NR6A1: variants seen among roughly 807,000 people sequenced by gnomAD.
NR6A1 encodes the protein nuclear receptor subfamily 6 group A member 1.
A neutral mutation model predicts 59.1 loss-of-function variants in NR6A1; 7 were observed. The observed-to-expected ratio is 0.12, with a 90% CI of 0.07 to 0.22. The LOEUF (loss-of-function observed/expected upper bound fraction) is 0.22. Among genes scored for constraint, NR6A1 ranks in the 10% least tolerant of loss-of-function variants. The pLI is 1.00. For synonymous variants in NR6A1, 243 were observed against 236.1 expected (o/e 1.03, Z -0.27); for missense variants, 468 against 611.6 (o/e 0.77, Z 2.48).
At chr9:124,616,812 T>G (rs536691420) in intron 2 of NR6A1, among the ~76,000 whole-genome samples, 5 of 152,132 alleles carry the variant, frequency 3.3e-5, no homozygotes, top group Admixed American at 3.3e-4. Context: ...TCTCATCAGA[T>G]TGGCAAAAAA....
chr9:124,712,467 G>A (rs1839305988), intron 2 of NR6A1, among the ~76,000 whole-genome samples: 1 of 152,010 alleles, frequency 6.6e-6, no homozygotes, highest in South Asian at 2.1e-4. Flanking sequence ...AAATTAGCCA[G>A]GTAGGTGACA....
At chr9:124,632,138 T>A (rs2130883221) in intron 2 of NR6A1, among the ~76,000 whole-genome samples, 1 of 152,354 alleles carries the variant, frequency 6.6e-6, no homozygotes, top group East Asian at 1.9e-4. Context: ...TACATGTGCA[T>A]GTGTCTTTAT....
At chr9:124,749,315 A>G (rs1345422415) in intron 1 of NR6A1, among the ~76,000 whole-genome samples, 1 of 152,124 alleles carries the variant, frequency 6.6e-6, no homozygotes, top group Non-Finnish European at 1.5e-5. Flanking sequence ...CCTCCAAAAC[A>G]CAAATATAAA....
intron 1 of NR6A1, among the ~76,000 whole-genome samples, chr9:124,753,544 A>G (rs1008983742): frequency 3.9e-5 from 6 of 152,202 alleles, no homozygotes; most frequent in Admixed American, 2.6e-4. Flanking sequence ...GGTTAGTAGA[A>G]GGTTATTTTC....
At chr9:124,660,726 T>C (rs557555948) in intron 2 of NR6A1, among the ~76,000 whole-genome samples, 2 of 149,980 alleles carry the variant, frequency 1.3e-5, no homozygotes, top group South Asian at 2.1e-4. Context: ...CCACCTCCAA[T>C]GTCATAAAAG....
intron 1 of NR6A1, among the ~76,000 whole-genome samples, chr9:124,768,820 G>C (rs1182138912): frequency 6.6e-6 from 1 of 152,174 alleles, no homozygotes; most frequent in Non-Finnish European, 1.5e-5. Flanking sequence ...TTCTCAAGTA[G>C]AATTGAAAGC....
intron 2 of NR6A1, among the ~76,000 whole-genome samples, chr9:124,696,788 C>A (rs1471111365): frequency 6.6e-6 from 1 of 152,054 alleles, no homozygotes; most frequent in African/African-American, 2.4e-5. Flanking sequence ...TCCCAAGTAG[C>A]TGGGACCACA....
chr9:124,616,155 T>C (rs1377822239), intron 2 of NR6A1, among the ~76,000 whole-genome samples: 1 of 151,248 alleles, frequency 6.6e-6, no homozygotes, highest in Non-Finnish European at 1.5e-5. Context: ...CCCAGCACTT[T>C]GGGAGGCCGA....
intron 2 of NR6A1, among the ~76,000 whole-genome samples, chr9:124,717,650 GCA>G (rs1839442231): frequency 6.6e-6 from 1 of 152,176 alleles, no homozygotes; most frequent in Non-Finnish European, 1.5e-5. Context: ...TTACTAGGGT[GCA>G]CACATTTATA....
At chr9:124,536,294 G>A (rs1248128810) in intron 6 of NR6A1, among the ~76,000 whole-genome samples, 162 bp from the exon 7 acceptor site, 4 of 152,172 alleles carry the variant, frequency 2.6e-5, no homozygotes, top group Non-Finnish European at 2.9e-5. Flanking sequence ...TTCTGATAAA[G>A]GGGGAAGGCT....
intron 3 of NR6A1, among the ~76,000 whole-genome samples, chr9:124,553,792 T>A (rs1185040289): frequency 6.6e-6 from 1 of 152,170 alleles, no homozygotes; most frequent in East Asian, 1.9e-4. Context: ...CCTGCCCCAA[T>A]TCACCCTCCA....
At chr9:124,751,851 G>C (rs937939163) in intron 1 of NR6A1, among the ~76,000 whole-genome samples, 11 of 152,154 alleles carry the variant, frequency 7.2e-5, no homozygotes, top group African/African-American at 2.7e-4. Context: ...GAATTTTAAG[G>C]ATGCTATTTA....
At chr9:124,742,825 G>A (rs931769437) in intron 1 of NR6A1, among the ~76,000 whole-genome samples, 11 of 152,252 alleles carry the variant, frequency 7.2e-5, no homozygotes, top group East Asian at 3.9e-4. Context: ...GCAGTGAGCC[G>A]AGATGGTGCC....
intron 2 of NR6A1, among the ~76,000 whole-genome samples, chr9:124,618,730 C>T (rs951568547): frequency 2.6e-5 from 4 of 152,168 alleles, no homozygotes; most frequent in African/African-American, 9.7e-5. Flanking sequence ...GACACAACAA[C>T]TATTATTTGC....
At chr9:124,595,868 A>G (rs2130809971) in intron 2 of NR6A1, 4 of 1,259,690 alleles carry the variant, frequency 3.2e-6, no homozygotes, top group South Asian at 1.2e-5. Flanking sequence ...CACTTGGTCA[A>G]TTCCTCTAAG....
intron 2 of NR6A1, among the ~76,000 whole-genome samples, chr9:124,700,010 C>T (rs961037850): frequency 1.3e-5 from 2 of 152,092 alleles, no homozygotes; most frequent in African/African-American, 2.4e-5. Context: ...GCATGCGCCA[C>T]CACACCCGCC....
At chr9:124,595,819 G>T (rs1835255782) in intron 2 of NR6A1, 1 of 1,289,600 alleles carries the variant, frequency 7.8e-7, no homozygotes, top group African/African-American at 1.5e-5. Flanking sequence ...AAGAAACAGA[G>T]ATTACAGGAC....
intron 2 of NR6A1, among the ~76,000 whole-genome samples, chr9:124,729,249 A>G (rs1839816549): frequency 6.6e-6 from 1 of 152,224 alleles, no homozygotes; most frequent in African/African-American, 2.4e-5. Flanking sequence ...TTCACATCAT[A>G]GTATATAAGC....
chr9:124,717,757 A>G (rs1839446400), intron 2 of NR6A1, among the ~76,000 whole-genome samples: 1 of 152,206 alleles, frequency 6.6e-6, no homozygotes, highest in South Asian at 2.1e-4. Context: ...CTTTGGGATC[A>G]CACAGGGTTC....
Sources: gnomAD v4.1 joint callset for allele counts (sites outside exome capture counted in the v4.1 genomes callset) on GRCh38, gnomAD v4.1.1 for gene constraint, MANE v1.5 for transcripts, NCBI Gene and HGNC (gene_info 2026-07-23, HGNC 2026-07-21) for gene names.